ABLIM1: variants seen among roughly 807,000 people sequenced by gnomAD.
ABLIM1 encodes actin-binding LIM protein 1.
A neutral mutation model predicts 107.0 loss-of-function variants in ABLIM1; 40 were observed. That is an observed-to-expected ratio of 0.37 (90% CI 0.29 to 0.49). The LOEUF (loss-of-function observed/expected upper bound fraction) is 0.49. Ranked by LOEUF, ABLIM1 falls within the 20% of genes least tolerant of loss-of-function variation. The pLI, the probability that ABLIM1 is intolerant of heterozygous loss-of-function variation, is 0.97. For missense variants in ABLIM1, 857 were observed against 1,008.5 expected, an observed-to-expected ratio of 0.85 and a Z score of 2.04; for synonymous variants, 357 against 357.3, an observed-to-expected ratio of 1.00 and a Z score of 0.01.
intron 1 of ABLIM1, among the ~76,000 whole-genome samples, chr10:114,756,052 T>G (rs982432484): frequency 3.3e-5 from 5 of 149,906 alleles, no homozygotes; most frequent in African/African-American, 4.9e-5. Context: ...ACTTAATTAT[T>G]TAATCCATAG....
chr10:114,669,772 C>G (rs927148231), intron 1 of ABLIM1, among the ~76,000 whole-genome samples: 1 of 152,070 alleles, frequency 6.6e-6, no homozygotes, highest in Non-Finnish European at 1.5e-5. Context: ...TTCAATAGGA[C>G]AGATGGATCA....
chr10:114,493,662 T>A (rs1024542006), intron 6 of ABLIM1, among the ~76,000 whole-genome samples: 2 of 152,096 alleles, frequency 1.3e-5, no homozygotes, highest in Admixed American at 6.5e-5. Flanking sequence ...TAAGTAAATG[T>A]AATGGGAAAA....
At chr10:114,481,291 C>CA in intron 8 of ABLIM1, among the ~76,000 whole-genome samples, 1 of 152,046 alleles carries the variant, frequency 6.6e-6, no homozygotes, top group South Asian at 2.1e-4. Flanking sequence ...GCCCTCCCCC[C>CA]ATTCAGCAGG....
intron 1 of ABLIM1, among the ~76,000 whole-genome samples, chr10:114,623,354 A>G (rs1201059800): frequency 6.6e-6 from 1 of 152,210 alleles, no homozygotes; most frequent in East Asian, 1.9e-4. Flanking sequence ...CCAGTATCAT[A>G]TACTGACAGC....
chr10:114,655,609 A>G (rs1014749821), intron 1 of ABLIM1, among the ~76,000 whole-genome samples: 1 of 152,166 alleles, frequency 6.6e-6, no homozygotes. Flanking sequence ...TTTTTTCCTC[A>G]ATAAAGGGAT....
chr10:114,671,832 G>A (rs1330733462), intron 1 of ABLIM1, among the ~76,000 whole-genome samples: 3 of 152,088 alleles, frequency 2.0e-5, no homozygotes, highest in African/African-American at 7.2e-5. Flanking sequence ...TGGCTTATCT[G>A]CCTTTTTCTT....
At chr10:114,613,052 G>A (rs183910139) in intron 1 of ABLIM1, among the ~76,000 whole-genome samples, 20 of 152,310 alleles carry the variant, frequency 1.3e-4, no homozygotes, top group African/African-American at 4.8e-4. Context: ...AGCTGTCCTT[G>A]CCTTTTCTTT....
upstream of ABLIM1, among the ~76,000 whole-genome samples, chr10:114,768,383 G>A (rs1045254731): frequency 6.6e-6 from 1 of 150,792 alleles, no homozygotes; most frequent in Admixed American, 6.6e-5. Context: ...GCGCCGGGCG[G>A]GGCTCTGTCC....
intron 14 of ABLIM1, among the ~76,000 whole-genome samples, chr10:114,449,047 T>TG (rs1383759031): frequency 1.3e-5 from 2 of 152,258 alleles, no homozygotes; most frequent in African/African-American, 4.8e-5. Context: ...ACTCATTGTT[T>TG]TGTTCAAAGG....
intron 1 of ABLIM1, among the ~76,000 whole-genome samples, chr10:114,665,207 A>T (rs1177846499): frequency 6.6e-6 from 1 of 152,136 alleles, no homozygotes; most frequent in Admixed American, 6.5e-5. Flanking sequence ...ATTCCCAATG[A>T]TGACATGCAC....
chr10:114,485,231 G>C (rs1015734626), intron 8 of ABLIM1: 155 of 1,300,224 alleles, frequency 1.2e-4, no homozygotes, highest in Non-Finnish European at 1.6e-4. Context: ...GCAGCCCAGG[G>C]GAAAAGCAAC....
intron 14 of ABLIM1, among the ~76,000 whole-genome samples, chr10:114,448,820 G>T (rs1455487985): frequency 6.6e-6 from 1 of 152,116 alleles, no homozygotes; most frequent in East Asian, 1.9e-4. Flanking sequence ...CTCCTGGCCA[G>T]GTTGGTCTCG....
Position 114,641,245 on chromosome 10 carries a change from CA to C in ABLIM1, c.244+16711del, listed in dbSNP as rs1280420449. Among the ~76,000 whole-genome samples the C allele has an allele frequency of 1.2e-3, 33 of 28,416 alleles. 1 individual carries two copies. In the South Asian group the frequency reaches 0.032, roughly 28 times the overall value. 18.6% of individuals were successfully genotyped at this position (28,416 alleles called of 152,430 possible). ...ATGAGAAAGTCACTGTGAAGCCAAT[CA>C]TAAAAAAAAAAAAAAAAAAAAAAAA... On this transcript the variant is annotated intron_variant, in intron 1 of 22. Coordinates refer to ENST00000533213, the MANE Select transcript of ABLIM1 (RefSeq NM_002313.7).
At chr10:114,614,225 G>A (rs1382250530) in intron 1 of ABLIM1, among the ~76,000 whole-genome samples, 1 of 152,116 alleles carries the variant, frequency 6.6e-6, no homozygotes, top group Admixed American at 6.5e-5. Flanking sequence ...GCTGAGGCAG[G>A]TGGATCACCT....
At chr10:114,438,938 G>C (rs1200274112) in intron 21 of ABLIM1, among the ~76,000 whole-genome samples, 1 of 152,208 alleles carries the variant, frequency 6.6e-6, no homozygotes. Flanking sequence ...GAATACCTTG[G>C]TCATAGGCAG....
intron 1 of ABLIM1, among the ~76,000 whole-genome samples, chr10:114,711,586 G>A (rs2081548329): frequency 1.3e-5 from 2 of 152,164 alleles, no homozygotes; most frequent in Non-Finnish European, 2.9e-5. Context: ...TAACAAAGGG[G>A]ATATTTACAA....
chr10:114,548,383 G>A (rs1246321002), intron 4 of ABLIM1, among the ~76,000 whole-genome samples: 1 of 152,142 alleles, frequency 6.6e-6, no homozygotes, highest in Non-Finnish European at 1.5e-5. Context: ...ATTTCTTCAT[G>A]GTAAAGAGTG....
the ABLIM1 span, among the ~76,000 whole-genome samples, chr10:114,795,086 TA>T: frequency 1.3e-5 from 2 of 152,064 alleles, no homozygotes; most frequent in African/African-American, 4.8e-5. Context: ...AAGAAAAAAA[TA>T]AAAATATCAT....
chr10:114,530,959 C>G (rs541261054), intron 6 of ABLIM1, among the ~76,000 whole-genome samples: 1 of 152,168 alleles, frequency 6.6e-6, no homozygotes, highest in African/African-American at 2.4e-5. Flanking sequence ...ATCCACACAC[C>G]TTTATTGAGC....
Sources: gnomAD v4.1 joint callset for allele counts (sites outside exome capture counted in the v4.1 genomes callset) on GRCh38, gnomAD v4.1.1 for gene constraint, MANE v1.5 for transcripts, NCBI Gene and HGNC (gene_info 2026-07-23, HGNC 2026-07-21) for gene names.